DOCK10: variants seen among roughly 807,000 people sequenced by gnomAD.
The protein encoded by DOCK10 is dedicator of cytokinesis protein 10.
DOCK10 carries 145 observed loss-of-function variants against 280.1 expected under a neutral mutation model. The observed-to-expected ratio is 0.52, with a 90% CI of 0.45 to 0.59. DOCK10 has a LOEUF of 0.59. Among genes scored for constraint, DOCK10 ranks in the 20% least tolerant of loss-of-function variants. The probability of loss-of-function intolerance (pLI) is 0.00; values close to 1 mark genes in which losing one functional copy is unlikely to be tolerated. For synonymous variants in DOCK10, 915 were observed against 942.2 expected (o/e 0.97, Z 0.53); for missense variants, 2,368 against 2,651.7 (o/e 0.89, Z 2.35).
chr2:224,866,021 C>G (rs902225334), intron 11 of DOCK10, among the ~76,000 whole-genome samples: 1 of 152,176 alleles, frequency 6.6e-6, no homozygotes, highest in Non-Finnish European at 1.5e-5. Flanking sequence ...AATGAGGACA[C>G]TTACCTGCCT....
At chr2:224,898,104 C>T (rs373094626) in intron 3 of DOCK10, among the ~76,000 whole-genome samples, 7 of 152,168 alleles carry the variant, frequency 4.6e-5, no homozygotes, top group African/African-American at 1.2e-4. Context: ...GCAAAGAAAG[C>T]GTTAGCACTG....
chr2:224,920,425 T>G (rs1701638533), intron 2 of DOCK10, among the ~76,000 whole-genome samples: 1 of 152,068 alleles, frequency 6.6e-6, no homozygotes, highest in Admixed American at 6.6e-5. Flanking sequence ...AGTTGCTTAT[T>G]TTATGCTATT....
intron 32 of DOCK10, 46 bp from the exon 33 acceptor site, chr2:224,807,830 T>C: frequency 1.3e-6 from 2 of 1,572,218 alleles, no homozygotes; most frequent in Non-Finnish European, 1.7e-6. Context: ...TAAAAATCAA[T>C]AGGCTTGTCG....
chr2:225,028,178 A>G (rs553733810), intron 1 of DOCK10, among the ~76,000 whole-genome samples: 1 of 152,298 alleles, frequency 6.6e-6, no homozygotes, highest in East Asian at 1.9e-4. Context: ...TGGATTATCT[A>G]GGTGGCCCAA....
At chr2:224,921,110 A>ATATATATATATATATAT (rs1185460802) in intron 2 of DOCK10, among the ~76,000 whole-genome samples, 2 of 69,624 alleles carry the variant, frequency 2.9e-5, no homozygotes, top group African/African-American at 1.1e-4. Context: ...AAAAAAAAAA[A>ATATATATATATATATAT]AAATATATAT....
At chr2:224,983,381 G>A (rs1345550345) in intron 1 of DOCK10, 2 of 178,724 alleles carry the variant, frequency 1.1e-5, no homozygotes, top group Non-Finnish European at 2.4e-5. Flanking sequence ...AGCTGCTTGC[G>A]CTAAAAATAT....
At chr2:224,792,540 T>G (rs967176374) in intron 47 of DOCK10, among the ~76,000 whole-genome samples, 112 of 152,284 alleles carry the variant, frequency 7.4e-4, no homozygotes, top group African/African-American at 2.7e-3. Flanking sequence ...CACCTTGGCC[T>G]CCCAAGTGCT....
intron 1 of DOCK10, among the ~76,000 whole-genome samples, chr2:224,936,859 A>G (rs1702722847): frequency 6.6e-6 from 1 of 152,174 alleles, no homozygotes; most frequent in Admixed American, 6.6e-5. Flanking sequence ...ATGTTCATGG[A>G]AACACTGGGG....
At chr2:224,837,726 A>G (rs1428541737) in intron 25 of DOCK10, 36 bp downstream of exon 25, 4 of 1,562,250 alleles carry the variant, frequency 2.6e-6, no homozygotes, top group Non-Finnish European at 3.5e-6. Flanking sequence ...ACACAGCACA[A>G]GGGGATATGA....
rs1406266125 is a variant in DOCK10 at position 224,970,367 on chromosome 2, A to G, written c.124-38699T>C. Among the ~76,000 whole-genome samples the G allele has an allele frequency of 6.6e-6, 1 of 152,186 alleles. No individual in the cohort carries two copies. Among genetic ancestry groups the G allele is most frequent in the African/African-American group, 2.4e-5 (1 of 41,446 alleles). ...TGTGAGGAATCCCCACCATGCTGCA[A>G]ATAAGGACACTGAGGCTCAGGGAAC... On this transcript the variant is annotated intron_variant, in intron 1 of 55. Coordinates refer to ENST00000258390, the MANE Select transcript of DOCK10 (RefSeq NM_014689.3). The surrounding 1 kb of genome is among the most constrained non-coding windows in gnomAD (Gnocchi z 4.6).
intron 7 of DOCK10, among the ~76,000 whole-genome samples, chr2:224,882,113 G>T (rs898250447): frequency 2.0e-5 from 3 of 152,174 alleles, no homozygotes; most frequent in Non-Finnish European, 4.4e-5. Context: ...TATTATCATT[G>T]CTGAGATAGG....
chr2:225,018,122 G>A (rs1229941144), intron 1 of DOCK10, among the ~76,000 whole-genome samples: 5 of 152,096 alleles, frequency 3.3e-5, no homozygotes, highest in East Asian at 1.9e-4. Flanking sequence ...CTCACTTTGC[G>A]AATGCAGTAT....
chr2:224,991,819 G>A (rs537179632), intron 1 of DOCK10, among the ~76,000 whole-genome samples: 39 of 152,254 alleles, frequency 2.6e-4, no homozygotes, highest in Admixed American at 1.9e-3. Context: ...CGTTCGGGGC[G>A]GTAAACACTA....
Position 224,770,414 on chromosome 2 carries a change from G to T in DOCK10, c.6306-65C>A. The T allele has an allele frequency of 6.4e-7, 1 of 1,557,404 alleles. No homozygotes were observed. Among genetic ancestry groups the T allele is most frequent in the Admixed American group, 1.9e-5 (1 of 53,770 alleles). ...GGAAGTGGCATTGAGCTCAGTGACT[G>T]TGAGTTCAGAGTCAGGCTGCTGATG... On this transcript the variant is annotated intron_variant, in intron 54 of 55. Transcript: ENST00000258390. This position sits in a 1 kb window ranked among gnomAD's most constrained non-coding sequence, Gnocchi z 4.5.
At position 224,979,943 on chromosome 2, in the gene DOCK10, C is replaced by T. The variant is rs117617014; in HGVS notation, c.124-48275G>A. 9.2e-5 allele frequency among the ~76,000 whole-genome samples: 13 copies of T among 141,502 alleles called. No individual in the cohort carries two copies. In the East Asian group the frequency reaches 2.6e-3, roughly 28 times the overall value. The allele number at this position is 141,502 out of a possible 152,430, so 92.8% of individuals were successfully genotyped here. Reference sequence around the variant, plus strand: ...CAGGATTCCAACCTAGGTGTTCTGGCTCCAGAGTCTGTGATCTTATAAAAA... The same window carrying T: ...CAGGATTCCAACCTAGGTGTTCTGGTTCCAGAGTCTGTGATCTTATAAAAA... On this transcript the variant is annotated intron_variant, in intron 1 of 55. Transcript: ENST00000258390.
chr2:224,972,863 C>T (rs571075458), intron 1 of DOCK10, among the ~76,000 whole-genome samples: 22 of 152,242 alleles, frequency 1.4e-4, no homozygotes, highest in Admixed American at 5.2e-4. Flanking sequence ...AGTTAAATTT[C>T]GGAAAACTGG....
At chr2:225,002,791 C>G (rs1706472923) in intron 1 of DOCK10, among the ~76,000 whole-genome samples, 1 of 152,056 alleles carries the variant, frequency 6.6e-6, no homozygotes, top group Admixed American at 6.5e-5. Flanking sequence ...TGAACCACAT[C>G]AGTGTGGTCT....
At chr2:224,871,442 C>G (rs980649216) in intron 11 of DOCK10, among the ~76,000 whole-genome samples, 1 of 152,134 alleles carries the variant, frequency 6.6e-6, no homozygotes, top group African/African-American at 2.4e-5. Context: ...TCAAGCCATG[C>G]AATAAACGGT....
intron 28 of DOCK10, among the ~76,000 whole-genome samples, chr2:224,821,507 T>C (rs1193389092): frequency 6.6e-6 from 1 of 152,198 alleles, no homozygotes; most frequent in Non-Finnish European, 1.5e-5. Flanking sequence ...TTTTCAAAAA[T>C]CACTTTCTTT....
Sources: allele counts gnomAD v4.1 joint callset (sites outside exome capture counted in the v4.1 genomes callset), GRCh38; gene constraint gnomAD v4.1.1; non-coding constraint Gnocchi (gnomAD v3.1); transcripts MANE v1.5; gene names NCBI Gene and HGNC (gene_info 2026-07-23, HGNC 2026-07-21).